Variants in SPTLC3 observed in about 807,000 individuals in gnomAD.
SPTLC3 encodes serine palmitoyltransferase 3.
In SPTLC3, 36 loss-of-function variants were observed where a neutral mutation model predicts 59.3. The ratio of observed to expected loss-of-function variants is 0.61; its 90% CI spans 0.47 to 0.80. The LOEUF (loss-of-function observed/expected upper bound fraction) is 0.80, where lower values mean the gene tolerates loss of function less well. Among genes scored for constraint, SPTLC3 ranks in the 30% least tolerant of loss-of-function variants. The pLI, the probability that SPTLC3 is intolerant of heterozygous loss-of-function variation, is 0.00. For missense variants in SPTLC3, 625 were observed against 685.1 expected, an observed-to-expected ratio of 0.91 and a Z score of 0.98; for synonymous variants, 257 against 240.8, an observed-to-expected ratio of 1.07 and a Z score of -0.62.
At chr20:13,038,060 A>ATATAT (rs1390602376) in intron 1 of SPTLC3, among the ~76,000 whole-genome samples, 6 of 148,676 alleles carry the variant, frequency 4.0e-5, no homozygotes, top group Admixed American at 6.6e-5. Context: ...ATATATATAT[A>ATATAT]ATATATCTTC....
chr20:13,108,600 A>C (rs1055710783), intron 6 of SPTLC3, among the ~76,000 whole-genome samples: 1 of 151,996 alleles, frequency 6.6e-6, no homozygotes, highest in Non-Finnish European at 1.5e-5. Flanking sequence ...TTTGAGACAG[A>C]GTCTCGTTCT....
rs183768879 is a variant in SPTLC3, at chr20:13,061,480, G to T, written c.304-10776G>T. Among the ~76,000 whole-genome samples the T allele has an allele frequency of 3.0e-3, 459 of 152,176 alleles. 4 individuals carry two copies. Among genetic ancestry groups the T allele is most frequent in the Admixed American group, 0.015 (230 of 15,296 alleles). ...GACAGGTGTCTGGGTTCCTATCGAG[G>T]CCACCTGTGCGCTAGCTCACAGTCA... On this transcript the variant is annotated intron_variant, in intron 2 of 11. Transcript: ENST00000399002.
chr20:13,152,140 C>A (rs1236609155), intron 9 of SPTLC3, among the ~76,000 whole-genome samples: 2 of 152,094 alleles, frequency 1.3e-5, no homozygotes, highest in African/African-American at 2.4e-5. Flanking sequence ...TTCTAGAATC[C>A]AATTCTGGCT....
At chr20:13,076,076 G>A (rs947741470) in intron 4 of SPTLC3, among the ~76,000 whole-genome samples, 12 of 152,186 alleles carry the variant, frequency 7.9e-5, no homozygotes, top group African/African-American at 1.9e-4. Context: ...ATTTCATTTA[G>A]CTCTCCATGT....
intron 1 of SPTLC3, among the ~76,000 whole-genome samples, chr20:13,046,754 ATAGT>A (rs1258169750): frequency 6.6e-6 from 1 of 152,216 alleles, no homozygotes; most frequent in Non-Finnish European, 1.5e-5. Context: ...GGGTAAGGAC[ATAGT>A]TAGAGGGAGG....
rs2122341231 is a variant in SPTLC3, at chr20:13,009,133, G to T, written c.-135G>T. The stretch of plus-strand genomic sequence containing the variant: ...AAGATAGGCTGTTGCTCTTCTTCTG[G>T]AAAAGCCTGATTGGTAAGATTCCTT... On this transcript the variant is annotated 5_prime_UTR_variant, in exon 1 of 12. Coordinates refer to ENST00000399002, the MANE Select transcript of SPTLC3 (RefSeq NM_018327.4). 1.5e-6 allele frequency: 1 copy of T among 686,078 alleles called. No individual in the cohort carries two copies. The highest frequency in any genetic ancestry group is 2.6e-6 in the Non-Finnish European group (1 of 390,458). 42.5% of individuals were successfully genotyped at this position (686,078 alleles called of 1,614,324 possible).
intron 4 of SPTLC3, among the ~76,000 whole-genome samples, chr20:13,089,236 G>T (rs1013268849): frequency 2.0e-5 from 3 of 152,082 alleles, no homozygotes; most frequent in Non-Finnish European, 4.4e-5. Flanking sequence ...CAATACTTCC[G>T]TAACTTAAAT....
intron 1 of SPTLC3, among the ~76,000 whole-genome samples, chr20:13,042,250 C>A (rs2122475331): frequency 6.6e-6 from 1 of 152,302 alleles, no homozygotes; most frequent in East Asian, 1.9e-4. Context: ...TTTTCCAGAG[C>A]ACCCTTTAAT....
At chr20:13,103,860 A>G (rs1417858126) in intron 6 of SPTLC3, among the ~76,000 whole-genome samples, 1 of 152,208 alleles carries the variant, frequency 6.6e-6, no homozygotes, top group East Asian at 1.9e-4. Context: ...GAGGAAAGCT[A>G]AATGTCTGGG....
intron 6 of SPTLC3, among the ~76,000 whole-genome samples, chr20:13,096,294 G>A (rs982418563): frequency 6.6e-6 from 1 of 152,114 alleles, no homozygotes; most frequent in Non-Finnish European, 1.5e-5. Flanking sequence ...CAAGAGGAAT[G>A]AAAGTGTGTG....
intron 6 of SPTLC3, among the ~76,000 whole-genome samples, chr20:13,107,467 A>G (rs142300018): frequency 1.3e-5 from 2 of 152,298 alleles, no homozygotes; most frequent in Non-Finnish European, 2.9e-5. Flanking sequence ...ATTGTGTCAA[A>G]TGCTGCCCAC....
intron 1 of SPTLC3, among the ~76,000 whole-genome samples, chr20:13,024,926 G>A (rs563342022): frequency 6.6e-6 from 1 of 152,224 alleles, no homozygotes; most frequent in South Asian, 2.1e-4. Context: ...AACACATGAA[G>A]AAAGCAAAGG....
intron 1 of SPTLC3, 25 bp downstream of exon 1, chr20:13,009,409 T>A (rs3761894): frequency 0.25 from 385,733 of 1,570,264 alleles, 50,376 homozygotes; most frequent in South Asian, 0.37. Flanking sequence ...CCCCTACTCT[T>A]CTCTGAATTA....
chr20:13,082,294 T>C (rs568735268), intron 4 of SPTLC3, among the ~76,000 whole-genome samples: 3 of 152,154 alleles, frequency 2.0e-5, no homozygotes, highest in African/African-American at 7.2e-5. Flanking sequence ...TTCCACAGTC[T>C]GTAGGTCGAG....
intron 1 of SPTLC3, among the ~76,000 whole-genome samples, chr20:13,043,351 C>T (rs957149180): frequency 1.3e-5 from 2 of 152,206 alleles, no homozygotes; most frequent in African/African-American, 2.4e-5. Context: ...CATTCTCACC[C>T]TGACTTTTCT....
intron 6 of SPTLC3, among the ~76,000 whole-genome samples, chr20:13,103,915 T>A (rs1008700130): frequency 6.6e-6 from 1 of 152,220 alleles, no homozygotes; most frequent in Non-Finnish European, 1.5e-5. Context: ...CCTACCTTCT[T>A]GGAAGATTCT....
intron 7 of SPTLC3, among the ~76,000 whole-genome samples, chr20:13,115,389 G>A (rs1990479617): frequency 6.6e-6 from 1 of 152,048 alleles, no homozygotes. Context: ...AAACCAGGTG[G>A]GCAGGCTCCT....
intron 10 of SPTLC3, among the ~76,000 whole-genome samples, chr20:13,158,122 A>C (rs2122982979): frequency 6.6e-6 from 1 of 152,304 alleles, no homozygotes; most frequent in Middle Eastern, 3.4e-3. Context: ...TCCCCTGTTC[A>C]TGTAATACAC....
At chr20:13,106,841 T>G (rs1427627167) in intron 6 of SPTLC3, among the ~76,000 whole-genome samples, 1 of 152,184 alleles carries the variant, frequency 6.6e-6, no homozygotes, top group Non-Finnish European at 1.5e-5. Flanking sequence ...TCTTCAGATC[T>G]AGGTTTGGAA....
Sources: allele counts gnomAD v4.1 joint callset (sites outside exome capture counted in the v4.1 genomes callset), GRCh38; gene constraint gnomAD v4.1.1; transcripts MANE v1.5; gene names NCBI Gene and HGNC (gene_info 2026-07-23, HGNC 2026-07-21).